The following ITPR1 variants were observed in gnomAD, a reference collection of about 807,000 sequenced individuals.
ITPR1 encodes inositol 1,4,5-trisphosphate receptor type 1.
A neutral mutation model predicts 318.4 loss-of-function variants in ITPR1; 96 were observed. That is an observed-to-expected ratio of 0.30 (90% CI 0.26 to 0.36). The LOEUF is 0.36. Ranked by LOEUF, ITPR1 falls within the 10% of genes least tolerant of loss-of-function variation. The probability of loss-of-function intolerance (pLI) is 1.00; values close to 1 mark genes in which losing one functional copy is unlikely to be tolerated. For missense variants in ITPR1, 2,440 were observed against 3,460.2 expected, an observed-to-expected ratio of 0.71 and a Z score of 7.40; for synonymous variants, 1,312 against 1,289.9, an observed-to-expected ratio of 1.02 and a Z score of -0.37.
chr3:4,593,509 C>T (rs866287037), intron 4 of ITPR1, among the ~76,000 whole-genome samples: 4 of 152,156 alleles, frequency 2.6e-5, no homozygotes, highest in African/African-American at 9.7e-5. Flanking sequence ...GCTAAAATTA[C>T]AACGTGAACA....
At chr3:4,580,159 G>C (rs763548907) in intron 4 of ITPR1, among the ~76,000 whole-genome samples, 26 of 151,982 alleles carry the variant, frequency 1.7e-4, no homozygotes, top group Admixed American at 2.6e-4. Flanking sequence ...GCAGTGAGCC[G>C]AGATCATGCC....
intron 5 of ITPR1, among the ~76,000 whole-genome samples, chr3:4,632,929 C>CTT (rs1156474451): frequency 0.015 from 985 of 66,036 alleles, 334 homozygotes; most frequent in African/African-American, 0.062. Context: ...ACTTTCAGGT[C>CTT]TTTTTTTTTT....
At chr3:4,701,669 T>C (rs555201451) in intron 35 of ITPR1, among the ~76,000 whole-genome samples, 4 of 152,324 alleles carry the variant, frequency 2.6e-5, no homozygotes, top group African/African-American at 4.8e-5. Context: ...ACTTCTCTTT[T>C]CTTTTGGATA....
intron 4 of ITPR1, among the ~76,000 whole-genome samples, chr3:4,575,313 T>C (rs965671008): frequency 2.0e-5 from 3 of 152,240 alleles, no homozygotes; most frequent in South Asian, 2.1e-4. Flanking sequence ...TTATCTATCA[T>C]CTTTTCCTGG....
In ITPR1 at chr3:4,676,793, A is replaced by G; in HGVS notation, c.2959A>G (p.Ile987Val). The change falls in exon 24 of 62, where the codon ATA (isoleucine) becomes GTA (valine). Residue 987 changes from isoleucine (I) to valine (V), a missense_variant. Physicochemically the swap from Ile to Val is conservative, Grantham distance 29. Transcript: ENST00000649015. ...GGACACCAAGCTGAAGATCATTGAG[A>G]TACTCCAGGTATCCACTAGCTGGAG... The part of the protein sequence containing the change: ...VMDTKLKIIE[I>V]LQFILNVRLD... The G allele has an allele frequency of 6.2e-7, 1 of 1,612,618 alleles. No homozygotes were observed. The highest frequency in any genetic ancestry group is 8.5e-7 in the Non-Finnish European group (1 of 1,179,296).
chr3:4,683,296 T>A (rs1255708351), intron 26 of ITPR1, 90 bp from the exon 27 acceptor site: 3 of 1,281,042 alleles, frequency 2.3e-6, no homozygotes, highest in Non-Finnish European at 2.3e-6. Context: ...GTGCTAGAAA[T>A]GCAACTAGGT....
intron 44 of ITPR1, among the ~76,000 whole-genome samples, chr3:4,739,876 G>A (rs1183147892): frequency 6.6e-6 from 1 of 152,148 alleles, no homozygotes; most frequent in Admixed American, 6.5e-5. Context: ...GTCCTTTGCT[G>A]AGAGCTCAGC....
chr3:4,680,841 G>A (rs937866936), intron 25 of ITPR1, 150 bp downstream of exon 25: 1 of 704,464 alleles, frequency 1.4e-6, no homozygotes, highest in Admixed American at 3.0e-5. Context: ...CTCTTTTTGA[G>A]CAAGTGAATA....
chr3:4,813,095 C>A (rs367836705), intron 56 of ITPR1, 47 bp from the exon 57 acceptor site: 3 of 1,402,664 alleles, frequency 2.1e-6, no homozygotes, highest in South Asian at 1.2e-5. Flanking sequence ...ACATTTTAAC[C>A]ATATGCTGCC....
At position 4,822,430 on chromosome 3, in the gene ITPR1, T is replaced by C. The variant is rs115319407; in HGVS notation, c.8028+4188T>C. 8.9e-3 allele frequency among the ~76,000 whole-genome samples: 1,356 copies of C among 152,332 alleles called. 22 individuals are homozygous for C. The highest frequency in any genetic ancestry group is 0.03 in the African/African-American group (1,255 of 41,562). On this transcript the variant is annotated intron_variant, in intron 60 of 61. Transcript: ENST00000649015. ...TCTGGAAAATCCCTGTGTCTTTCTC[T>C]CTCTTGAACTTTAAATCTTTAAGTG...
intron 39 of ITPR1, among the ~76,000 whole-genome samples, chr3:4,714,336 C>T (rs2041610463): frequency 6.6e-6 from 1 of 152,176 alleles, no homozygotes; most frequent in Non-Finnish European, 1.5e-5. Context: ...TCCCTCCTCC[C>T]ATCCCTGTTT....
intron 2 of ITPR1, among the ~76,000 whole-genome samples, chr3:4,498,790 C>T (rs1379341282): frequency 2.6e-5 from 4 of 152,168 alleles, no homozygotes; most frequent in Non-Finnish European, 4.4e-5. Context: ...AATGATAATC[C>T]TGGAGTTTCA....
intron 25 of ITPR1, 75 bp downstream of exon 25, chr3:4,680,766 T>A: frequency 7.6e-7 from 1 of 1,322,144 alleles, no homozygotes; most frequent in Admixed American, 2.4e-5. Flanking sequence ...GCAAACAGTA[T>A]CTTCTAGAAA....
At chr3:4,545,765 C>T (rs1288788659) in intron 4 of ITPR1, among the ~76,000 whole-genome samples, 2 of 148,194 alleles carry the variant, frequency 1.3e-5, no homozygotes, top group East Asian at 2.0e-4. Flanking sequence ...TGGCGTGATC[C>T]AGGCTTACTG....
In ITPR1 at chr3:4,590,696, C is replaced by T. The variant is rs185093466; in HGVS notation, c.164-37067C>T. On this transcript the variant is annotated intron_variant, in intron 4 of 61. Transcript: ENST00000649015. Reference sequence around the variant, plus strand: ...GACTACAGGCATGTGCCAGCATGCCCAGCTCAACTTTGGTTTTTGTGTCTT... The same window carrying T: ...GACTACAGGCATGTGCCAGCATGCCTAGCTCAACTTTGGTTTTTGTGTCTT... Among the ~76,000 whole-genome samples, 85 of 152,104 alleles carry T rather than the reference C, an allele frequency of 5.6e-4. 1 individual carries two copies. The highest frequency in any genetic ancestry group is 2.0e-3 in the African/African-American group (82 of 41,498).
At position 4,680,674 on chromosome 3, in the gene ITPR1, G is replaced by C; in HGVS notation, c.3089G>C (p.Gly1030Ala). The C allele has an allele frequency of 1.2e-6, 2 of 1,612,394 alleles. No individual in the cohort carries two copies. The highest frequency in any genetic ancestry group is 1.7e-6 in the Non-Finnish European group (2 of 1,179,092). Reference sequence around the variant, plus strand: ...TCCTCCGGAAACAGCAGCCAAGAAGGGCCAAGTAATGTACCAGGTTAGTGA... The same window carrying C: ...TCCTCCGGAAACAGCAGCCAAGAAGCGCCAAGTAATGTACCAGGTTAGTGA... Reference protein sequence around the residue: ...ETSSGNSSQEGPSNVPGALDF... With the variant: ...ETSSGNSSQEAPSNVPGALDF... The change falls in exon 25 of 62, where the codon GGG becomes GCG. Residue 1030 changes from glycine to alanine, a missense_variant. Around this residue, in one of 23 missense-constraint regions of ITPR1, gnomAD observed 57 missense variants for 46.2 expected, o/e 1.23. Coordinates refer to ENST00000649015, the MANE Select transcript of ITPR1 (RefSeq NM_001378452.1).
Position 4,683,569 on chromosome 3 carries a change from C to CG in ITPR1, c.3327+19dup. 1 of 1,613,672 alleles carries CG rather than the reference C, an allele frequency of 6.2e-7. No homozygotes were observed. The highest frequency in any genetic ancestry group is 8.5e-7 in the Non-Finnish European group (1 of 1,179,564). On this transcript the variant is annotated intron_variant, in intron 27 of 61. Transcript: ENST00000649015. ...TCAAACAGGTAGCTCAGGTCACCCA[C>CG]GTGTGTGTTGTCTGTCCAAGAAGCT... is the stretch of plus-strand genomic sequence containing the variant.
chr3:4,607,662 TG>T (rs1461378924), intron 4 of ITPR1, among the ~76,000 whole-genome samples: 4 of 151,926 alleles, frequency 2.6e-5, no homozygotes, highest in African/African-American at 9.7e-5. Flanking sequence ...TGGCAGGCAA[TG>T]GGTGCTTGCT....
rs113622131 is a variant in ITPR1 at position 4,615,738 on chromosome 3, A to C, written c.164-12025A>C. 3.4e-3 allele frequency among the ~76,000 whole-genome samples: 524 copies of C among 152,226 alleles called. 2 individuals carry two copies. The highest frequency in any genetic ancestry group is 0.012 in the African/African-American group (500 of 41,536). ...CTGATCCACATACAGTAATCATTGT[A>C]AGTAGCTAAATAAAAGTTTAATTGC... On this transcript the variant is annotated intron_variant, in intron 4 of 61. Coordinates refer to ENST00000649015, the MANE Select transcript of ITPR1 (RefSeq NM_001378452.1).
Sources: gnomAD v4.1 joint callset for allele counts (sites outside exome capture counted in the v4.1 genomes callset) on GRCh38, gnomAD v4.1.1 for gene constraint, gnomAD v4.1.1 regional missense constraint, MANE v1.5 for transcripts, NCBI Gene and HGNC (gene_info 2026-07-23, HGNC 2026-07-21) for gene names.